Variants in SPIRE1 observed in about 807,000 individuals in gnomAD.
The protein encoded by SPIRE1 is protein spire homolog 1.
A neutral mutation model predicts 94.1 loss-of-function variants in SPIRE1; 40 were observed. The observed-to-expected ratio is 0.43, with a 90% CI of 0.33 to 0.55. The LOEUF (loss-of-function observed/expected upper bound fraction) is 0.55. Ranked by LOEUF, SPIRE1 falls within the 20% of genes least tolerant of loss-of-function variation. The probability of loss-of-function intolerance (pLI) is 0.06; values close to 1 mark genes in which losing one functional copy is unlikely to be tolerated. For missense variants in SPIRE1, 838 were observed against 975.2 expected, an observed-to-expected ratio of 0.86 and a Z score of 1.87; for synonymous variants, 376 against 371.7, an observed-to-expected ratio of 1.01 and a Z score of -0.13.
intron 6 of SPIRE1, among the ~76,000 whole-genome samples, chr18:12,497,557 A>G (rs967036853): frequency 2.0e-5 from 3 of 151,978 alleles, no homozygotes; most frequent in African/African-American, 7.3e-5. Flanking sequence ...TCCCTATGCT[A>G]GTCCTCCCTC....
intron 13 of SPIRE1, among the ~76,000 whole-genome samples, chr18:12,454,009 T>A (rs2031379388): frequency 6.6e-6 from 1 of 152,078 alleles, no homozygotes; most frequent in Admixed American, 6.6e-5. Flanking sequence ...GGTCTTGATA[T>A]CCCAACCTCG....
intron 4 of SPIRE1, among the ~76,000 whole-genome samples, chr18:12,529,890 C>T (rs1392320338): frequency 6.6e-6 from 1 of 152,180 alleles, no homozygotes; most frequent in East Asian, 1.9e-4. Flanking sequence ...ATTATTTTCA[C>T]TGTTCATTCA....
intron 1 of SPIRE1, among the ~76,000 whole-genome samples, chr18:12,646,704 A>G (rs997227971): frequency 1.3e-5 from 2 of 152,146 alleles, no homozygotes; most frequent in African/African-American, 4.8e-5. Context: ...AAGGGATGGG[A>G]GAGAAAATGG....
intron 12 of SPIRE1, among the ~76,000 whole-genome samples, chr18:12,455,379 C>T (rs1483721099): frequency 2.0e-5 from 3 of 152,200 alleles, no homozygotes; most frequent in Non-Finnish European, 4.4e-5. Context: ...GGAACTGGAA[C>T]ATGAAACTAC....
intron 2 of SPIRE1, among the ~76,000 whole-genome samples, chr18:12,556,559 G>A (rs575069913): frequency 6.6e-5 from 10 of 152,288 alleles, no homozygotes; most frequent in East Asian, 5.8e-4. Context: ...AGATGCGTCC[G>A]GAGTTTCTTC....
upstream of SPIRE1, chr18:12,658,705 C>T (rs878920171): frequency 2.3e-6 from 1 of 428,148 alleles, no homozygotes; most frequent in South Asian, 1.6e-5. Flanking sequence ...CCCGTGACCC[C>T]GCGGCCGCTC....
At chr18:12,479,411 C>T (rs1462099518) in intron 10 of SPIRE1, among the ~76,000 whole-genome samples, 1 of 152,036 alleles carries the variant, frequency 6.6e-6, no homozygotes, top group East Asian at 1.9e-4. Flanking sequence ...ATGGGCTCAG[C>T]GATACTCCTG....
At position 12,475,400 on chromosome 18, in the gene SPIRE1, T is replaced by C. The variant is rs149367010; in HGVS notation, c.1404+4299A>G. On this transcript the variant is annotated intron_variant, in intron 10 of 16. Coordinates refer to ENST00000409402, the MANE Select transcript of SPIRE1 (RefSeq NM_001128626.2). ...ATTCTTAGGTATGTTTTTTATATTC[T>C]ATTTAAATTATAAACAACAGAAGGG... Among the ~76,000 whole-genome samples, 425 of 152,310 alleles carry C rather than the reference T, an allele frequency of 2.8e-3. 2 individuals are homozygous for C. Among genetic ancestry groups the C allele is most frequent in the Admixed American group, 6.4e-3 (98 of 15,300 alleles).
intron 2 of SPIRE1, among the ~76,000 whole-genome samples, chr18:12,617,572 G>A (rs899204672): frequency 6.6e-6 from 1 of 151,960 alleles, no homozygotes; most frequent in Admixed American, 6.6e-5. Context: ...CACCATGCCT[G>A]GCTAATGTTT....
At chr18:12,627,777 T>C (rs1407403590) in intron 2 of SPIRE1, among the ~76,000 whole-genome samples, 1 of 152,208 alleles carries the variant, frequency 6.6e-6, no homozygotes, top group Non-Finnish European at 1.5e-5. Context: ...TATCTCATTG[T>C]GGTTTTGATT....
intron 5 of SPIRE1, among the ~76,000 whole-genome samples, chr18:12,507,304 C>T (rs1227020219): frequency 6.6e-6 from 1 of 152,184 alleles, no homozygotes; most frequent in African/African-American, 2.4e-5. Flanking sequence ...GAGCAAGTTG[C>T]TGCACCTTTC....
intron 2 of SPIRE1, among the ~76,000 whole-genome samples, chr18:12,548,277 C>T (rs878869331): frequency 9.9e-5 from 15 of 151,958 alleles, no homozygotes; most frequent in Non-Finnish European, 1.9e-4. Context: ...CTGGTAATAC[C>T]GCATTTTTAA....
At position 12,658,037 on chromosome 18, in the gene SPIRE1, A is replaced by T; in HGVS notation, c.-171T>A. On this transcript the variant is annotated 5_prime_UTR_variant, in exon 1 of 17. Coordinates refer to ENST00000409402, the MANE Select transcript of SPIRE1 (RefSeq NM_001128626.2). ...CGAGTGCCCGGGAGGCGTGGGCAAG[A>T]GGAGGGCGGCGAGGACACGGCTGCA... The T allele has an allele frequency of 1.0e-6, 1 of 992,324 alleles. No homozygotes were observed. Among genetic ancestry groups the T allele is most frequent in the South Asian group, 4.6e-5 (1 of 21,678 alleles). 61.5% of individuals were successfully genotyped at this position (992,324 alleles called of 1,614,324 possible).
In SPIRE1 at chr18:12,559,477, C is replaced by T. The variant is rs1019621521; in HGVS notation, c.373-12573G>A. Among the ~76,000 whole-genome samples, 1 of 152,202 alleles carries T rather than the reference C, an allele frequency of 6.6e-6. No homozygotes were observed. The highest frequency in any genetic ancestry group is 1.5e-5 in the Non-Finnish European group (1 of 68,034). ...TGCCACCCGCGCCTCTCCCTCCACACCTCCCTGCAAGCAGAGGGAGCCGGC... is the reference window on the plus strand; with the variant it reads ...TGCCACCCGCGCCTCTCCCTCCACATCTCCCTGCAAGCAGAGGGAGCCGGC... On this transcript the variant is annotated intron_variant, in intron 2 of 16. Coordinates refer to ENST00000409402, the MANE Select transcript of SPIRE1 (RefSeq NM_001128626.2). The surrounding 1 kb of genome is among the most constrained non-coding windows in gnomAD (Gnocchi z 4.7).
intron 10 of SPIRE1, among the ~76,000 whole-genome samples, chr18:12,468,839 G>A (rs1348030274): frequency 6.6e-6 from 1 of 152,128 alleles, no homozygotes; most frequent in Non-Finnish European, 1.5e-5. Flanking sequence ...CCAGAGGATC[G>A]CTTAAGCCAG....
chr18:12,504,774 G>A (rs561041376), intron 6 of SPIRE1, among the ~76,000 whole-genome samples: 1 of 152,154 alleles, frequency 6.6e-6, no homozygotes, highest in African/African-American at 2.4e-5. Flanking sequence ...AGTGAAACAC[G>A]AGAGTAAAGA....
rs2031281852 is a variant in SPIRE1, at chr18:12,452,282, T to C, written c.1985A>G (p.His662Arg). 1.2e-6 allele frequency: 2 copies of C among 1,614,142 alleles called. No homozygotes were observed. Among genetic ancestry groups the C allele is most frequent in the African/African-American group, 1.3e-5 (1 of 75,040 alleles). The change falls in exon 16 of 17, where the codon CAT becomes CGT. Residue 662 changes from histidine (H) to arginine (R), a missense_variant. Transcript: ENST00000409402. ...GGCAATGCTCCGAAGTGGCCGATGA[T>C]GGGCAGTGGAGGGTTTTTCTGACCT... Reference protein sequence around the residue: ...SMRSEKPSTAHHRPLRSIARF... With the variant: ...SMRSEKPSTARHRPLRSIARF...
Position 12,541,983 on chromosome 18 carries a change from T to C in SPIRE1, c.603+4691A>G, listed in dbSNP as rs186556193. On this transcript the variant is annotated intron_variant, in intron 3 of 16. Transcript: ENST00000409402. ...TACAAAAATTATTAATGAGGCTTTT[T>C]TTTTTTCTTTTGAGATGGAGTCTCG... Among the ~76,000 whole-genome samples the C allele has an allele frequency of 3.6e-4, 55 of 152,126 alleles. No individual in the cohort carries two copies. In the East Asian group the frequency reaches 7.7e-3, roughly 21 times the overall value.
At chr18:12,478,453 G>A (rs917717768) in intron 10 of SPIRE1, among the ~76,000 whole-genome samples, 2 of 151,416 alleles carry the variant, frequency 1.3e-5, no homozygotes, top group African/African-American at 2.4e-5. Context: ...TGTGTAGCTA[G>A]GGTGTGTGTG....
Sources: allele counts gnomAD v4.1 joint callset (sites outside exome capture counted in the v4.1 genomes callset), GRCh38; gene constraint gnomAD v4.1.1; non-coding constraint Gnocchi (gnomAD v3.1); transcripts MANE v1.5; gene names NCBI Gene and HGNC (gene_info 2026-07-23, HGNC 2026-07-21).